The following ULK4 variants were observed in gnomAD, a reference collection of about 807,000 sequenced individuals.
ULK4 encodes unc-51 like kinase 4.
In ULK4, 133 loss-of-function variants were observed where a neutral mutation model predicts 160.6. The ratio of observed to expected loss-of-function variants is 0.83; its 90% confidence interval spans 0.72 to 0.96. The LOEUF is 0.96. Ranked by LOEUF, ULK4 falls within the 40% of genes least tolerant of loss-of-function variation. The pLI is 0.00. For synonymous variants in ULK4, 534 were observed against 539.8 expected, an observed-to-expected ratio of 0.99 and a Z score of 0.15; for missense variants, 1,580 against 1,499.5, an observed-to-expected ratio of 1.05 and a Z score of -0.89.
At chr3:41,297,487 C>A (rs2079693339) in intron 35 of ULK4, among the ~76,000 whole-genome samples, 1 of 152,184 alleles carries the variant, frequency 6.6e-6, no homozygotes, top group Non-Finnish European at 1.5e-5. Flanking sequence ...GTGGCAGAAC[C>A]TTTTTTCCTT....
intron 34 of ULK4, among the ~76,000 whole-genome samples, chr3:41,438,448 G>A (rs1242010520): frequency 1.3e-5 from 2 of 152,074 alleles, no homozygotes; most frequent in Non-Finnish European, 2.9e-5. Context: ...TTCAAAATTT[G>A]CACCCTTCCC....
intron 35 of ULK4, among the ~76,000 whole-genome samples, chr3:41,281,378 T>A (rs2079349070): frequency 6.6e-6 from 1 of 152,180 alleles, no homozygotes; most frequent in Admixed American, 6.5e-5. Context: ...ATATCCCTGA[T>A]GAACATCAAT....
At chr3:41,799,952 T>C (rs1057402835) in intron 20 of ULK4, among the ~76,000 whole-genome samples, 180 bp downstream of exon 20, 2 of 152,192 alleles carry the variant, frequency 1.3e-5, no homozygotes, top group African/African-American at 2.4e-5. Context: ...GTCTCAAGGT[T>C]TTCCAGTTCC....
intron 35 of ULK4, among the ~76,000 whole-genome samples, chr3:41,368,015 T>C (rs2081286143): frequency 6.6e-6 from 1 of 152,106 alleles, no homozygotes; most frequent in African/African-American, 2.4e-5. Context: ...TATTCCAAGT[T>C]ATCAACCATC....
intron 32 of ULK4, among the ~76,000 whole-genome samples, chr3:41,492,754 C>CA (rs1405527560): frequency 4.0e-5 from 6 of 150,168 alleles, no homozygotes; most frequent in East Asian, 3.9e-4. Flanking sequence ...AAATGGAAAA[C>CA]AAAAAAAGGC....
intron 35 of ULK4, among the ~76,000 whole-genome samples, chr3:41,345,723 T>A (rs2080784616): frequency 6.6e-6 from 1 of 152,094 alleles, no homozygotes; most frequent in African/African-American, 2.4e-5. Context: ...CAAACCACTA[T>A]GGCACACATT....
At position 41,931,851 on chromosome 3, in the gene ULK4, T is replaced by C; in HGVS notation, c.534A>G (p.Arg178=). The change falls in exon 5 of 37, where the codon AGA becomes AGG. Residue 178 remains arginine (R), a synonymous_variant. Coordinates refer to ENST00000301831, the MANE Select transcript of ULK4 (RefSeq NM_017886.4). ...CTTTCCAGGTCCACATACCTTTGAC[T>C]CTACTTTTCATGCTTTTCTTCAGGA... is the stretch of plus-strand genomic sequence containing the variant. ...ENVLKKSMKS[R]VKGSPVYTAP... 1 of 1,614,072 alleles carries C rather than the reference T, an allele frequency of 6.2e-7. No individual in the cohort carries two copies.
intron 32 of ULK4, among the ~76,000 whole-genome samples, chr3:41,464,046 T>C (rs1228298218): frequency 1.3e-5 from 2 of 152,090 alleles, no homozygotes; most frequent in African/African-American, 4.8e-5. Flanking sequence ...ATAAATATTT[T>C]ACACACGCAG....
chr3:41,363,803 ATATC>A (rs1232583184), intron 35 of ULK4, among the ~76,000 whole-genome samples: 3 of 152,204 alleles, frequency 2.0e-5, no homozygotes, highest in Non-Finnish European at 2.9e-5. Context: ...AACACTTTGA[ATATC>A]TATCTGCTGT....
chr3:41,435,466 A>C (rs2083012907), intron 34 of ULK4, among the ~76,000 whole-genome samples: 1 of 152,254 alleles, frequency 6.6e-6, no homozygotes, highest in Non-Finnish European at 1.5e-5. Context: ...TAATGGGATC[A>C]AATCAATCAA....
At chr3:41,375,030 A>T (rs1022894366) in intron 35 of ULK4, among the ~76,000 whole-genome samples, 7 of 152,178 alleles carry the variant, frequency 4.6e-5, no homozygotes, top group Non-Finnish European at 8.8e-5. Flanking sequence ...ACTCCCATTC[A>T]CAACTGCTAC....
At chr3:41,643,973 T>C (rs2034361607) in intron 30 of ULK4, among the ~76,000 whole-genome samples, 1 of 152,166 alleles carries the variant, frequency 6.6e-6, no homozygotes, top group Non-Finnish European at 1.5e-5. Flanking sequence ...GGGAGTTCAC[T>C]CATGATTTGG....
At chr3:41,594,798 A>ATCTCCTTTC (rs2031577574) in intron 31 of ULK4, among the ~76,000 whole-genome samples, 1 of 152,204 alleles carries the variant, frequency 6.6e-6, no homozygotes, top group Non-Finnish European at 1.5e-5. Flanking sequence ...AGGGGAGATG[A>ATCTCCTTTC]AAGGAGAAGC....
chr3:41,355,050 CTT>C (rs936229668), intron 35 of ULK4, among the ~76,000 whole-genome samples: 3 of 152,158 alleles, frequency 2.0e-5, no homozygotes, highest in Non-Finnish European at 2.9e-5. Flanking sequence ...CTAGAAAACT[CTT>C]GTTTGCCAGG....
chr3:41,468,314 C>T (rs2083885681), intron 32 of ULK4, among the ~76,000 whole-genome samples: 1 of 152,094 alleles, frequency 6.6e-6, no homozygotes, highest in African/African-American at 2.4e-5. Context: ...TAGAGAGAAA[C>T]AGAGTCAAAG....
At chr3:41,847,647 T>C (rs948151881) in intron 17 of ULK4, among the ~76,000 whole-genome samples, 3 of 152,170 alleles carry the variant, frequency 2.0e-5, no homozygotes, top group African/African-American at 7.2e-5. Flanking sequence ...TTCTAAGTGG[T>C]TTCTTAGAAC....
intron 17 of ULK4, among the ~76,000 whole-genome samples, chr3:41,844,482 C>G (rs2042015305): frequency 6.6e-6 from 1 of 152,210 alleles, no homozygotes; most frequent in South Asian, 2.1e-4. Flanking sequence ...CAAGCCCATG[C>G]CCACCCAGAA....
At position 41,682,158 on chromosome 3, in the gene ULK4, AC is replaced by A. The variant is rs570489510; in HGVS notation, c.2782-355del. 4.6e-5 allele frequency among the ~76,000 whole-genome samples: 7 copies of A among 152,320 alleles called. No individual in the cohort carries two copies. In the East Asian group the frequency reaches 1.3e-3, roughly 29 times the overall value. On this transcript the variant is annotated intron_variant, in intron 27 of 36. Coordinates refer to ENST00000301831, the MANE Select transcript of ULK4 (RefSeq NM_017886.4). Reference sequence around the variant, plus strand: ...GCTGGTGATCATTACATCAAGTTTAACCTAAACAACAATCAAAATGTTGGGA... The same window carrying A: ...GCTGGTGATCATTACATCAAGTTTAACTAAACAACAATCAAAATGTTGGGA...
intron 32 of ULK4, among the ~76,000 whole-genome samples, chr3:41,534,139 C>T (rs1380398747): frequency 6.6e-6 from 1 of 152,200 alleles, no homozygotes; most frequent in Non-Finnish European, 1.5e-5. Flanking sequence ...AGAGCCCAAA[C>T]AATCCTTATA....
Sources: allele counts gnomAD v4.1 joint callset (sites outside exome capture counted in the v4.1 genomes callset), GRCh38; gene constraint gnomAD v4.1.1; transcripts MANE v1.5; gene names NCBI Gene and HGNC (gene_info 2026-07-23, HGNC 2026-07-21).